Variants in NPAS3 observed in about 807,000 individuals in gnomAD.
The protein encoded by NPAS3 is neuronal PAS domain-containing protein 3.
A neutral mutation model predicts 73.1 loss-of-function variants in NPAS3; 14 were observed. The ratio of observed to expected loss-of-function variants is 0.19; its 90% confidence interval spans 0.13 to 0.30. NPAS3 has a LOEUF of 0.30. Among genes scored for constraint, NPAS3 ranks in the 10% least tolerant of loss-of-function variants. The pLI is 1.00. For missense variants in NPAS3, 1,096 were observed against 1,250.0 expected (o/e 0.88, Z 1.86); for synonymous variants, 620 against 541.5 (o/e 1.14, Z -2.01).
chr14:33,364,950 A>G (rs1189240693), intron 3 of NPAS3, among the ~76,000 whole-genome samples: 1 of 149,154 alleles, frequency 6.7e-6, no homozygotes, highest in Non-Finnish European at 1.5e-5. Flanking sequence ...CTCATAATCC[A>G]GTTCTTTGTA....
At chr14:33,803,175 G>A (rs982778294), downstream of NPAS3, 8 of 152,138 alleles carry the variant, frequency 5.3e-5, no homozygotes, top group African/African-American at 1.7e-4. Context: ...TTCCTTTCAG[G>A]TTGGCTGATG....
chr14:33,430,129 A>G (rs991369549), intron 4 of NPAS3, among the ~76,000 whole-genome samples: 5 of 152,162 alleles, frequency 3.3e-5, no homozygotes, highest in Admixed American at 6.6e-5. Context: ...TGAGGATTGT[A>G]AAATAAAAGG....
rs147214967 is a variant in NPAS3, at chr14:33,615,102, T to C, written c.558+54892T>C. 1.7e-3 allele frequency among the ~76,000 whole-genome samples: 252 copies of C among 152,170 alleles called. 2 individuals are homozygous for C. The highest frequency in any genetic ancestry group is 5.8e-3 in the African/African-American group (239 of 41,502). ...GCATGAGGTGGCATCGGTACAAAGA[T>C]GGCAAAGGGCAGCACTTAGGGCAAT... On this transcript the variant is annotated intron_variant, in intron 5 of 11. Transcript: ENST00000356141.
intron 5 of NPAS3, among the ~76,000 whole-genome samples, chr14:33,642,415 G>A (rs978715832): frequency 4.6e-5 from 7 of 152,214 alleles, no homozygotes; most frequent in African/African-American, 1.7e-4. Flanking sequence ...AAGACAGAGA[G>A]GAATGTGGGC....
chr14:33,692,136 G>A (rs1032092920), intron 6 of NPAS3, among the ~76,000 whole-genome samples: 1 of 152,154 alleles, frequency 6.6e-6, no homozygotes, highest in Non-Finnish European at 1.5e-5. Flanking sequence ...GAATGCGTGG[G>A]CGGAGGTATG....
intron 5 of NPAS3, among the ~76,000 whole-genome samples, chr14:33,669,798 A>G (rs2059559425): frequency 6.6e-6 from 1 of 152,132 alleles, no homozygotes; most frequent in Admixed American, 6.5e-5. Context: ...TTCTTCTCTG[A>G]GAACTAGGAG....
chr14:33,001,802 C>A (rs1408254731), intron 1 of NPAS3, among the ~76,000 whole-genome samples: 1 of 152,136 alleles, frequency 6.6e-6, no homozygotes, highest in African/African-American at 2.4e-5. Flanking sequence ...TTTCTTCTTG[C>A]TCCATTCTCA....
At chr14:33,530,348 T>C (rs1403436625) in intron 4 of NPAS3, among the ~76,000 whole-genome samples, 2 of 152,112 alleles carry the variant, frequency 1.3e-5, no homozygotes, top group Admixed American at 1.3e-4. Context: ...CCAAAGCAAT[T>C]TTCCTTTATT....
chr14:32,983,951 A>G (rs1444225554), intron 1 of NPAS3, among the ~76,000 whole-genome samples: 1 of 152,090 alleles, frequency 6.6e-6, no homozygotes, highest in Non-Finnish European at 1.5e-5. Flanking sequence ...CGAACTCCTG[A>G]CCTCGAGTGA....
At chr14:33,311,828 C>G (rs1401129357) in intron 3 of NPAS3, among the ~76,000 whole-genome samples, 2 of 152,038 alleles carry the variant, frequency 1.3e-5, no homozygotes, top group Non-Finnish European at 2.9e-5. Context: ...AAAGACTGCA[C>G]AACCAAAGTA....
At chr14:33,453,026 G>C (rs1193430283) in intron 4 of NPAS3, among the ~76,000 whole-genome samples, 1 of 152,088 alleles carries the variant, frequency 6.6e-6, no homozygotes, top group Non-Finnish European at 1.5e-5. Flanking sequence ...TAAATGACAT[G>C]ATCGTAGGTG....
chr14:33,546,305 A>G (rs559437241), intron 4 of NPAS3, among the ~76,000 whole-genome samples: 2 of 152,344 alleles, frequency 1.3e-5, no homozygotes, highest in East Asian at 3.9e-4. Context: ...TGGTGAGAAG[A>G]GTCCTAATAT....
intron 2 of NPAS3, among the ~76,000 whole-genome samples, chr14:33,210,768 A>T (rs1180618992): frequency 3.5e-5 from 3 of 86,270 alleles, no homozygotes; most frequent in Admixed American, 1.2e-4. Context: ...TTATTGTACT[A>T]AAAAAAAAGG....
At position 33,031,292 on chromosome 14, in the gene NPAS3, G is replaced by A. The variant is rs1008452506; in HGVS notation, c.51-24613G>A. Among the ~76,000 whole-genome samples, 11 of 152,220 alleles carry A rather than the reference G, an allele frequency of 7.2e-5. No individual in the cohort carries two copies. In the East Asian group the frequency reaches 9.7e-4, roughly 13 times the overall value. ...ATGGATATTAATTTATTTGATTCTC[G>A]AGTTAGTTATATGAAATGTATAGCA... On this transcript the variant is annotated intron_variant, in intron 1 of 11. Transcript: ENST00000356141.
At chr14:33,587,211 C>T (rs1304164975) in intron 5 of NPAS3, among the ~76,000 whole-genome samples, 2 of 152,142 alleles carry the variant, frequency 1.3e-5, no homozygotes. Context: ...TGCTATACGT[C>T]CATATTTAGT....
intron 5 of NPAS3, among the ~76,000 whole-genome samples, chr14:33,568,476 G>A (rs991946184): frequency 6.6e-5 from 10 of 152,208 alleles, no homozygotes; most frequent in African/African-American, 2.2e-4. Flanking sequence ...GCTTATATGG[G>A]CAATATATGC....
At chr14:33,523,596 C>G (rs1355831247) in intron 4 of NPAS3, among the ~76,000 whole-genome samples, 1 of 151,774 alleles carries the variant, frequency 6.6e-6, no homozygotes, top group African/African-American at 2.4e-5. Flanking sequence ...AACCTCGTCT[C>G]CACTAAAAAT....
chr14:33,792,877 A>T (rs1244438024), intron 9 of NPAS3, among the ~76,000 whole-genome samples: 2 of 152,238 alleles, frequency 1.3e-5, no homozygotes, highest in African/African-American at 2.4e-5. Flanking sequence ...GTGGCCAGCC[A>T]GCCGGTGAGC....
chr14:33,498,952 G>C (rs1242315485), intron 4 of NPAS3, among the ~76,000 whole-genome samples: 1 of 146,726 alleles, frequency 6.8e-6, no homozygotes, highest in Admixed American at 6.8e-5. Context: ...GTGTGTGTGT[G>C]TGTGTGTGTG....
Sources: gnomAD v4.1 joint callset for allele counts (sites outside exome capture counted in the v4.1 genomes callset) on GRCh38, gnomAD v4.1.1 for gene constraint, MANE v1.5 for transcripts, NCBI Gene and HGNC (gene_info 2026-07-23, HGNC 2026-07-21) for gene names.